PPFIA1: variants seen among roughly 807,000 people sequenced by gnomAD.
The protein encoded by PPFIA1 is liprin-alpha-1.
PPFIA1 carries 25 observed loss-of-function variants against 149.9 expected under a neutral mutation model. That is an observed-to-expected ratio of 0.17 (90% confidence interval 0.12 to 0.23). The LOEUF (loss-of-function observed/expected upper bound fraction) is 0.23. PPFIA1 is among the 10% of genes least tolerant of loss of function. PPFIA1 has a pLI of 1.00. For missense variants in PPFIA1, 1,362 were observed against 1,506.5 expected, an observed-to-expected ratio of 0.90 and a Z score of 1.59; for synonymous variants, 549 against 552.8, an observed-to-expected ratio of 0.99 and a Z score of 0.10.
intron 10 of PPFIA1, among the ~76,000 whole-genome samples, chr11:70,335,008 A>G (rs558869548): frequency 1.7e-4 from 26 of 152,388 alleles, no homozygotes; most frequent in Non-Finnish European, 3.2e-4. Flanking sequence ...GTTACTACAT[A>G]TTAAAATTAC....
At chr11:70,382,478 G>C (rs1354385731) in intron 27 of PPFIA1, among the ~76,000 whole-genome samples, 1 of 152,126 alleles carries the variant, frequency 6.6e-6, no homozygotes, top group African/African-American at 2.4e-5. Context: ...GAGCATGGCA[G>C]AGAGCGTCAG....
chr11:70,355,720 GA>G lies in PPFIA1; in HGVS notation c.2399del (p.Lys800ArgfsTer28). 1 of 1,614,168 alleles carries G rather than the reference GA, an allele frequency of 6.2e-7. No homozygotes were observed. Among genetic ancestry groups the G allele is most frequent in the South Asian group, 1.1e-5 (1 of 91,088 alleles). On this transcript the variant is annotated frameshift_variant, in exon 18 of 28. Coordinates refer to ENST00000253925, the MANE Select transcript of PPFIA1 (RefSeq NM_003626.5). LOFTEE classifies it high-confidence loss of function. Reference protein sequence around the residue: ...SQDSLHKAPKKKGIKSSIGRL... With the variant: ...SQDSLHKAPKXKGIKSSIGRL... ...AGGACTCGCTCCACAAAGCCCCAAAGAAGAAAGGCATTAAGTCCTCCATTGG... is the reference window on the plus strand; with the variant it reads ...AGGACTCGCTCCACAAAGCCCCAAAGAGAAAGGCATTAAGTCCTCCATTGG...
At chr11:70,315,537 C>CT in intron 2 of PPFIA1, among the ~76,000 whole-genome samples, 2 of 152,228 alleles carry the variant, frequency 1.3e-5, no homozygotes, top group South Asian at 4.1e-4. Context: ...TAAACCTAGA[C>CT]TGAGGCGAGT....
At position 70,293,090 on chromosome 11, in the gene PPFIA1, G is replaced by A. The variant is rs11235768; in HGVS notation, c.264+20654G>A. ...TGCTATTCTGTCCCCAGTGTTGAGCGTAGCCTCTGGCACACAGTAGACACA... is the reference window on the plus strand; with the variant it reads ...TGCTATTCTGTCCCCAGTGTTGAGCATAGCCTCTGGCACACAGTAGACACA... On this transcript the variant is annotated intron_variant, in intron 2 of 27. Transcript: ENST00000253925. 6.2e-4 allele frequency among the ~76,000 whole-genome samples: 94 copies of A among 152,310 alleles called. No homozygotes were observed. In the East Asian group the frequency reaches 0.015, roughly 25 times the overall value.
Position 70,272,378 on chromosome 11 carries a change from A to G in PPFIA1, c.206A>G (p.His69Arg), listed in dbSNP as rs1386596133. 4 of 1,614,202 alleles carry G rather than the reference A, an allele frequency of 2.5e-6. No homozygotes were observed. The East Asian group carries it at 6.7e-5, about 27-fold the overall frequency. ...ETLALTQGKL[H>R]EVGHERDSLQ... ...CTGGCCTTAACCCAGGGGAAGTTACACGAGGTTGGTCATGAAAGAGATTCC... is the reference window on the plus strand; with the variant it reads ...CTGGCCTTAACCCAGGGGAAGTTACGCGAGGTTGGTCATGAAAGAGATTCC... Residue 69 changes from histidine to arginine, a missense_variant, in exon 2 of 28, where the codon CAC becomes CGC. Physicochemically the swap from His to Arg is conservative, Grantham distance 29 (BLOSUM62 0). Transcript: ENST00000253925.
chr11:70,345,584 G>A (rs1324065149), intron 15 of PPFIA1, among the ~76,000 whole-genome samples: 1 of 152,204 alleles, frequency 6.6e-6, no homozygotes, highest in South Asian at 2.1e-4. Flanking sequence ...GAAGACACTG[G>A]TTTAGAGGAG....
At chr11:70,295,695 C>A (rs1271501584) in intron 2 of PPFIA1, among the ~76,000 whole-genome samples, 5 of 147,346 alleles carry the variant, frequency 3.4e-5, no homozygotes, top group East Asian at 2.1e-4. Context: ...GCTGACCCCC[C>A]CCACCTCCCT....
chr11:70,306,966 C>T (rs1033419832), intron 2 of PPFIA1, among the ~76,000 whole-genome samples: 3 of 152,204 alleles, frequency 2.0e-5, no homozygotes, highest in Non-Finnish European at 4.4e-5. Flanking sequence ...TTGCTTCCCA[C>T]CTCTCCCAGC....
intron 7 of PPFIA1, chr11:70,327,557 G>T (rs190614016): frequency 2.0e-5 from 3 of 152,178 alleles, no homozygotes; most frequent in Admixed American, 6.5e-5. Context: ...GGATCACGAG[G>T]TCAGGAGATC....
At chr11:70,359,942 G>A (rs936340159) in intron 19 of PPFIA1, among the ~76,000 whole-genome samples, 2 of 152,226 alleles carry the variant, frequency 1.3e-5, no homozygotes, top group African/African-American at 4.8e-5. Flanking sequence ...TTCTTCCCGT[G>A]ATTGGAACAG....
At chr11:70,345,366 G>A (rs879975705) in intron 15 of PPFIA1, among the ~76,000 whole-genome samples, 8,445 of 122,818 alleles carry the variant, frequency 0.069, no homozygotes, top group African/African-American at 0.19. Flanking sequence ...AGGCCAGGGA[G>A]TCAGTATAGT....
intron 2 of PPFIA1, among the ~76,000 whole-genome samples, chr11:70,297,357 T>G (rs1304078227): frequency 6.6e-6 from 1 of 151,910 alleles, no homozygotes; most frequent in Non-Finnish European, 1.5e-5. Flanking sequence ...TGCAGTGAGC[T>G]ATGATCATAC....
intron 23 of PPFIA1, 28 bp downstream of exon 23, chr11:70,372,602 G>T (rs1477148326): frequency 6.4e-7 from 1 of 1,551,660 alleles, no homozygotes; most frequent in Non-Finnish European, 8.9e-7. Flanking sequence ...AATTGATTCG[G>T]TTTACTCCTA....
intron 25 of PPFIA1, among the ~76,000 whole-genome samples, chr11:70,377,022 G>C (rs1461337222): frequency 2.0e-5 from 3 of 151,852 alleles, no homozygotes; most frequent in African/African-American, 7.3e-5. Flanking sequence ...GCAGTGAGCT[G>C]AGATCGCACC....
At chr11:70,277,050 A>ATTAT (rs1328842843) in intron 2 of PPFIA1, among the ~76,000 whole-genome samples, 328 of 27,550 alleles carry the variant, frequency 0.012, 7 homozygotes, top group African/African-American at 0.047. Context: ...ATATATATAT[A>ATTAT]TATATATATA....
At chr11:70,380,726 ACT>A (rs1817636575) in intron 26 of PPFIA1, among the ~76,000 whole-genome samples, 1 of 147,866 alleles carries the variant, frequency 6.8e-6, no homozygotes, top group Non-Finnish European at 1.5e-5. Context: ...CAAGAGCAAA[ACT>A]CTGTCTCAAA....
At chr11:70,331,922 G>C in intron 8 of PPFIA1, 38 bp from the exon 9 acceptor site, 1 of 1,584,272 alleles carries the variant, frequency 6.3e-7, no homozygotes, top group Non-Finnish European at 8.6e-7. Flanking sequence ...TCAGCTAGAA[G>C]ATTTGTTGCA....
Position 70,367,677 on chromosome 11 carries a change from T to C in PPFIA1, c.2866-4538T>C, listed in dbSNP as rs114939306. ...CTGATCCTTCTGGGAGTTCATGTTA[T>C]AGGCCACTTCAGGAGTCTGAGCAGA... On this transcript the variant is annotated intron_variant, in intron 21 of 27. Transcript: ENST00000253925. 1.2e-3 allele frequency: 549 copies of C among 453,588 alleles called. 3 individuals are homozygous for C. The highest frequency in any genetic ancestry group is 9.8e-3 in the African/African-American group (493 of 50,054). The allele number at this position is 453,588 out of a possible 1,614,324, so 28.1% of individuals were successfully genotyped here. A position where few individuals can be genotyped will look rare whatever the true frequency, so the allele number is the denominator to read the frequency against.
At chr11:70,362,672 C>T (rs2056723507) in intron 21 of PPFIA1, 184 bp downstream of exon 21, 3 of 471,768 alleles carry the variant, frequency 6.4e-6, no homozygotes, top group Non-Finnish European at 7.0e-6. Flanking sequence ...TCAAAAGAAA[C>T]TTTATTAAAT....
Sources: gnomAD v4.1 joint callset for allele counts (sites outside exome capture counted in the v4.1 genomes callset) on GRCh38, gnomAD v4.1.1 for gene constraint, MANE v1.5 for transcripts, NCBI Gene and HGNC (gene_info 2026-07-23, HGNC 2026-07-21) for gene names.